The following KHDRBS2 variants were observed in gnomAD, a reference collection of about 807,000 sequenced individuals.
The protein encoded by KHDRBS2 is KH domain-containing, RNA-binding, signal transduction-associated protein 2.
Under a neutral mutation model 44.3 loss-of-function variants are expected in KHDRBS2, and 26 were observed. The ratio of observed to expected loss-of-function variants is 0.59; its 90% CI spans 0.43 to 0.81. KHDRBS2 has a LOEUF of 0.81. Among genes scored for constraint, KHDRBS2 ranks in the 40% least tolerant of loss-of-function variants. KHDRBS2 has a pLI of 0.00. For synonymous variants in KHDRBS2, 194 were observed against 151.1 expected (o/e 1.28, Z -2.08); for missense variants, 476 against 433.1 (o/e 1.10, Z -0.88).
intron 2 of KHDRBS2, among the ~76,000 whole-genome samples, chr6:62,095,849 T>C (rs527721112): frequency 5.9e-5 from 9 of 152,042 alleles, no homozygotes; most frequent in Non-Finnish European, 1.3e-4. Context: ...ATGTTAGCTG[T>C]GGGTCTATTT....
At chr6:62,137,494 T>G (rs568460599) in intron 2 of KHDRBS2, among the ~76,000 whole-genome samples, 34 of 152,298 alleles carry the variant, frequency 2.2e-4, no homozygotes, top group African/African-American at 7.7e-4. Context: ...ATGATAATTA[T>G]AAATGGTACT....
intron 7 of KHDRBS2, among the ~76,000 whole-genome samples, chr6:61,717,684 T>C (rs776447809): frequency 2.6e-5 from 4 of 152,140 alleles, no homozygotes; most frequent in Non-Finnish European, 4.4e-5. Context: ...TTTCACACTT[T>C]AGTTTTCATT....
intron 2 of KHDRBS2, among the ~76,000 whole-genome samples, chr6:62,169,034 C>CATATATATATATATAT (rs369570219): frequency 0.031 from 2,201 of 72,104 alleles, 82 homozygotes; most frequent in Admixed American, 0.042. Flanking sequence ...GTTCTCCAGT[C>CATATATATATATATAT]ATATATATAT....
chr6:61,917,381 A>C (rs750706958), intron 4 of KHDRBS2, among the ~76,000 whole-genome samples: 30 of 151,982 alleles, frequency 2.0e-4, no homozygotes, highest in Admixed American at 3.3e-4. Flanking sequence ...TATCAAGTGA[A>C]AGAATTCCAT....
At chr6:62,160,658 G>T (rs1486063958) in intron 2 of KHDRBS2, among the ~76,000 whole-genome samples, 1 of 152,080 alleles carries the variant, frequency 6.6e-6, no homozygotes, top group East Asian at 1.9e-4. Context: ...TATAGGAGCA[G>T]AGAGCTGGGT....
At chr6:61,877,466 T>C (rs989435804) in intron 6 of KHDRBS2, among the ~76,000 whole-genome samples, 1 of 151,768 alleles carries the variant, frequency 6.6e-6, no homozygotes, top group Non-Finnish European at 1.5e-5. Context: ...TTTTTGTTTT[T>C]CCCTCTCCCT....
chr6:62,130,902 C>T (rs1046813342), intron 2 of KHDRBS2, among the ~76,000 whole-genome samples: 1 of 151,972 alleles, frequency 6.6e-6, no homozygotes, highest in South Asian at 2.1e-4. Context: ...ACAGTTTCTA[C>T]AGAATGTACA....
chr6:62,078,333 C>T (rs1054001939), intron 2 of KHDRBS2, among the ~76,000 whole-genome samples: 3 of 152,036 alleles, frequency 2.0e-5, no homozygotes, highest in Non-Finnish European at 4.4e-5. Context: ...TGTGTCTCAT[C>T]TCTTATTTTA....
chr6:61,602,480 A>C, the KHDRBS2 span, among the ~76,000 whole-genome samples: 1 of 151,848 alleles, frequency 6.6e-6, no homozygotes, highest in Non-Finnish European at 1.5e-5. Context: ...GGACTGTTCA[A>C]CTCACCTGGC....
intron 6 of KHDRBS2, among the ~76,000 whole-genome samples, chr6:61,854,817 A>G (rs1795927306): frequency 6.6e-6 from 1 of 152,188 alleles, no homozygotes; most frequent in South Asian, 2.1e-4. Flanking sequence ...AAGTCTTTGA[A>G]GACCATAATT....
intron 2 of KHDRBS2, among the ~76,000 whole-genome samples, chr6:62,124,779 G>A (rs568107383): frequency 6.6e-6 from 1 of 152,158 alleles, no homozygotes; most frequent in Non-Finnish European, 1.5e-5. Flanking sequence ...GAATTGAATG[G>A]TAGTTCAATT....
At chr6:61,992,616 C>A (rs145058907) in intron 3 of KHDRBS2, among the ~76,000 whole-genome samples, 2 of 151,916 alleles carry the variant, frequency 1.3e-5, no homozygotes, top group African/African-American at 2.4e-5. Context: ...TGTGTTTGTG[C>A]GCGCGTGCGC....
intron 1 of KHDRBS2, among the ~76,000 whole-genome samples, chr6:62,233,663 C>T (rs1833231215): frequency 6.6e-6 from 1 of 152,032 alleles, no homozygotes; most frequent in South Asian, 2.1e-4. Flanking sequence ...CTGATTGACC[C>T]AGTGTATGTT....
chr6:62,143,340 T>C (rs1813250765), intron 2 of KHDRBS2, among the ~76,000 whole-genome samples: 1 of 152,056 alleles, frequency 6.6e-6, no homozygotes, highest in Non-Finnish European at 1.5e-5. Flanking sequence ...GAAATGAATA[T>C]AGGCTTTGCC....
chr6:62,017,239 T>C (rs948133808), intron 3 of KHDRBS2, among the ~76,000 whole-genome samples: 14 of 152,102 alleles, frequency 9.2e-5, no homozygotes, highest in Non-Finnish European at 1.6e-4. Flanking sequence ...CTGGTATCAT[T>C]GTAGGAAGGT....
chr6:62,217,829 A>G (rs535602099), intron 1 of KHDRBS2, among the ~76,000 whole-genome samples: 128 of 152,066 alleles, frequency 8.4e-4, no homozygotes, highest in African/African-American at 2.8e-3. Flanking sequence ...GAAAGTTTAT[A>G]TAAGTGAAGT....
intron 1 of KHDRBS2, among the ~76,000 whole-genome samples, chr6:62,252,777 C>T (rs1372837767): frequency 2.6e-5 from 4 of 151,988 alleles, no homozygotes; most frequent in African/African-American, 9.7e-5. Flanking sequence ...AACTCCTATT[C>T]AAATGAAGAT....
intron 8 of KHDRBS2, 29 bp from the exon 9 acceptor site, chr6:61,681,089 C>G: frequency 7.0e-7 from 1 of 1,433,318 alleles, no homozygotes; most frequent in Non-Finnish European, 9.8e-7. Context: ...TAGTAACACA[C>G]ACATGACTTC....
chr6:62,092,801 G>C (rs1390797857), intron 2 of KHDRBS2, among the ~76,000 whole-genome samples: 2 of 152,050 alleles, frequency 1.3e-5, no homozygotes, highest in African/African-American at 4.8e-5. Context: ...TCTACATTTA[G>C]GTTAAATTAG....
Sources: gnomAD v4.1 joint callset for allele counts (sites outside exome capture counted in the v4.1 genomes callset) on GRCh38, gnomAD v4.1.1 for gene constraint, MANE v1.5 for transcripts, NCBI Gene and HGNC (gene_info 2026-07-23, HGNC 2026-07-21) for gene names.